The following RXFP2 variants were observed in gnomAD, a reference collection of about 807,000 sequenced individuals.
The protein encoded by RXFP2 is relaxin receptor 2.
Under a neutral mutation model 88.6 loss-of-function variants are expected in RXFP2, and 68 were observed. The ratio of observed to expected loss-of-function variants is 0.77; its 90% CI spans 0.63 to 0.94. RXFP2 has a LOEUF of 0.94. Ranked by LOEUF, RXFP2 falls within the 40% of genes least tolerant of loss-of-function variation. The pLI is 0.00. For missense variants in RXFP2, 791 were observed against 893.9 expected (o/e 0.88, Z 1.47); for synonymous variants, 329 against 306.8 (o/e 1.07, Z -0.76).
chr13:31,741,677 G>A (rs1190234617), intron 1 of RXFP2, among the ~76,000 whole-genome samples: 2 of 151,972 alleles, frequency 1.3e-5, no homozygotes, highest in Non-Finnish European at 2.9e-5. Context: ...ATGAGTGATT[G>A]CCTTAAGCTA....
chr13:31,759,974 T>C (rs1872222347), intron 2 of RXFP2, among the ~76,000 whole-genome samples: 1 of 152,176 alleles, frequency 6.6e-6, no homozygotes, highest in Non-Finnish European at 1.5e-5. Context: ...TGAAGCTGTA[T>C]CACCGGTCTA....
intron 4 of RXFP2, among the ~76,000 whole-genome samples, chr13:31,765,493 T>C (rs1477598250): frequency 6.6e-6 from 1 of 152,114 alleles, no homozygotes; most frequent in Admixed American, 6.5e-5. Context: ...TTAACGTTGG[T>C]AATCTATCCA....
intron 2 of RXFP2, among the ~76,000 whole-genome samples, chr13:31,760,234 G>C (rs1449805333): frequency 6.6e-6 from 1 of 151,926 alleles, no homozygotes. Context: ...GATTACAGGC[G>C]CCCTCCACCA....
At chr13:31,783,039 G>T (rs1193634415) in intron 11 of RXFP2, among the ~76,000 whole-genome samples, 1 of 152,138 alleles carries the variant, frequency 6.6e-6, no homozygotes, top group East Asian at 1.9e-4. Flanking sequence ...CTTAAACACA[G>T]GGATCATTTC....
chr13:31,798,260 G>T (rs1874153534), intron 17 of RXFP2, among the ~76,000 whole-genome samples: 1 of 152,194 alleles, frequency 6.6e-6, no homozygotes, highest in Non-Finnish European at 1.5e-5. Context: ...GCACTCAGTT[G>T]TGAGGCTATG....
At chr13:31,777,311 G>A (rs1462366383) in intron 7 of RXFP2, 65 bp from the exon 8 acceptor site, 14 of 1,132,734 alleles carry the variant, frequency 1.2e-5, no homozygotes, top group Admixed American at 1.8e-5. Flanking sequence ...AGGTGTTGAG[G>A]GGAGGCAGGT....
At chr13:31,775,491 A>G in intron 7 of RXFP2, 102 bp downstream of exon 7, 5 of 900,068 alleles carry the variant, frequency 5.6e-6, no homozygotes, top group Non-Finnish European at 9.2e-6. Flanking sequence ...TTATTTTTAT[A>G]CTTGCTTTTC....
chr13:31,790,105 C>T (rs1198703940), intron 14 of RXFP2, among the ~76,000 whole-genome samples: 2 of 152,168 alleles, frequency 1.3e-5, no homozygotes, highest in African/African-American at 4.8e-5. Context: ...AGGTCAAGAA[C>T]AGGTCAACAA....
intron 2 of RXFP2, among the ~76,000 whole-genome samples, chr13:31,760,906 G>C (rs1593452566): frequency 6.6e-6 from 1 of 152,082 alleles, no homozygotes. Flanking sequence ...ATGACAAATT[G>C]ACATTAATAT....
chr13:31,792,949 A>G lies in RXFP2; in HGVS notation c.1647A>G (p.Gly549=). 1 of 1,614,118 alleles carries G rather than the reference A, an allele frequency of 6.2e-7. No individual in the cohort carries two copies. The part of the protein sequence containing the change: ...SVILICIWMA[G]FLIAVIPFWN... ...TCCTCATTTGCATCTGGATGGCGGG[A>G]TTTTTAATAGCTGTAATTCCATTTT... The change falls in exon 16 of 18, where the codon GGA becomes GGG. Residue 549 remains glycine, a synonymous_variant. Coordinates refer to ENST00000298386, the MANE Select transcript of RXFP2 (RefSeq NM_130806.5).
chr13:31,798,192 T>G (rs1874148843), intron 17 of RXFP2, among the ~76,000 whole-genome samples: 1 of 152,198 alleles, frequency 6.6e-6, no homozygotes, highest in Non-Finnish European at 1.5e-5. Flanking sequence ...ATAGCCCTTA[T>G]GAAAGAGTGA....
chr13:31,791,738 G>C, intron 14 of RXFP2, 68 bp from the exon 15 acceptor site: 1 of 1,071,914 alleles, frequency 9.3e-7, no homozygotes, highest in Non-Finnish European at 1.5e-6. Flanking sequence ...TTGCAGCCCC[G>C]ATAGGACTGC....
chr13:31,781,632 C>G, intron 9 of RXFP2, 39 bp from the exon 10 acceptor site: 1 of 1,436,976 alleles, frequency 7.0e-7, no homozygotes, highest in Non-Finnish European at 9.8e-7. Context: ...ATGATTTGTA[C>G]AAAAAATATT....
intron 1 of RXFP2, among the ~76,000 whole-genome samples, chr13:31,755,220 G>A (rs576782476): frequency 6.6e-6 from 1 of 152,312 alleles, no homozygotes; most frequent in African/African-American, 2.4e-5. Flanking sequence ...TAACGAATGT[G>A]TTTAAATAGT....
chr13:31,756,021 C>T (rs1464766706), intron 1 of RXFP2, among the ~76,000 whole-genome samples: 2 of 152,064 alleles, frequency 1.3e-5, no homozygotes, highest in South Asian at 2.1e-4. Flanking sequence ...TCCGTGCTTG[C>T]GGGATCTCCA....
intron 1 of RXFP2, among the ~76,000 whole-genome samples, chr13:31,753,924 TG>T (rs1871794809): frequency 6.6e-6 from 1 of 151,414 alleles, no homozygotes; most frequent in Non-Finnish European, 1.5e-5. Flanking sequence ...GAGAAAAGGG[TG>T]GGGAATACAT....
chr13:31,794,139 G>A (rs1274044529), intron 16 of RXFP2, among the ~76,000 whole-genome samples: 4 of 152,062 alleles, frequency 2.6e-5, no homozygotes, highest in Non-Finnish European at 5.9e-5. Flanking sequence ...ATCATGCCCA[G>A]TTCTTCTCCA....
At chr13:31,780,440 G>C (rs1348661075) in intron 9 of RXFP2, among the ~76,000 whole-genome samples, 1 of 152,176 alleles carries the variant, frequency 6.6e-6, no homozygotes, top group Non-Finnish European at 1.5e-5. Flanking sequence ...ATTTTTAGGA[G>C]AGTATGGTGT....
intron 2 of RXFP2, among the ~76,000 whole-genome samples, chr13:31,759,375 G>GAGAAGGAAAGAA (rs1453244832): frequency 7.8e-4 from 18 of 22,944 alleles, no homozygotes; most frequent in African/African-American, 3.1e-3. Context: ...CATTTGGATT[G>GAGAAGGAAAGAA]AGAAAGAAAG....
Sources: allele counts gnomAD v4.1 joint callset (sites outside exome capture counted in the v4.1 genomes callset), GRCh38; gene constraint gnomAD v4.1.1; transcripts MANE v1.5; gene names NCBI Gene and HGNC (gene_info 2026-07-23, HGNC 2026-07-21).